Variants in SEMA6D observed in about 807,000 individuals in gnomAD.
SEMA6D encodes the protein semaphorin 6D.
Under a neutral mutation model 106.6 loss-of-function variants are expected in SEMA6D, and 35 were observed. The ratio of observed to expected loss-of-function variants is 0.33; its 90% confidence interval spans 0.25 to 0.44. The LOEUF is 0.44. Among genes scored for constraint, SEMA6D ranks in the 20% least tolerant of loss-of-function variants. The probability of loss-of-function intolerance (pLI) is 1.00; values close to 1 mark genes in which losing one functional copy is unlikely to be tolerated. For synonymous variants in SEMA6D, 499 were observed against 487.7 expected (o/e 1.02, Z -0.31); for missense variants, 1,185 against 1,345.9 (o/e 0.88, Z 1.87).
intron 1 of SEMA6D, among the ~76,000 whole-genome samples, chr15:47,334,095 G>A (rs1454828944): frequency 6.6e-6 from 1 of 152,266 alleles, no homozygotes; most frequent in South Asian, 2.1e-4. Flanking sequence ...CAATTTGCCT[G>A]TGTAATAAAT....
At chr15:47,643,678 A>G (rs774398370) in intron 4 of SEMA6D, among the ~76,000 whole-genome samples, 11 of 152,214 alleles carry the variant, frequency 7.2e-5, no homozygotes, top group Non-Finnish European at 1.3e-4. Flanking sequence ...TAATATTTTG[A>G]TACAAGTATA....
rs144968308 is a variant in SEMA6D at position 47,552,525 on chromosome 15, T to TACAC, written c.-86-48310_-86-48307dup. On this transcript the variant is annotated intron_variant, in intron 3 of 19. Transcript: ENST00000558014. ...ATATGTGTGTGTGTATATATATGTA[T>TACAC]ACACACACACACACACACACACACA... Among the ~76,000 whole-genome samples the TACAC allele has an allele frequency of 8.6e-3, 1,114 of 130,112 alleles. 7 individuals are homozygous for TACAC. The highest frequency in any genetic ancestry group is 0.02 in the South Asian group (76 of 3,740). 85.4% of individuals were successfully genotyped at this position (130,112 alleles called of 152,430 possible). A position where few individuals can be genotyped will look rare whatever the true frequency, so the allele number is the denominator to read the frequency against.
chr15:47,287,891 C>T lies in SEMA6D; in HGVS notation c.-239+103473C>T, dbSNP rs75106625. Among the ~76,000 whole-genome samples, 745 of 152,162 alleles carry T rather than the reference C, an allele frequency of 4.9e-3. 6 individuals carry two copies. Among genetic ancestry groups the T allele is most frequent in the African/African-American group, 0.017 (718 of 41,510 alleles). ...GCATGCTTTACAGGAAGCATGGTGC[C>T]GGCATCTCCTTGGCTTCCAAGGAGG... On this transcript the variant is annotated intron_variant, in intron 1 of 19. Coordinates refer to the SEMA6D transcript ENST00000558014.
chr15:47,410,676 G>A (rs2040762508), intron 1 of SEMA6D, among the ~76,000 whole-genome samples: 1 of 152,054 alleles, frequency 6.6e-6, no homozygotes, highest in African/African-American at 2.4e-5. Flanking sequence ...AAAATATATA[G>A]CATATAGCCC....
intron 1 of SEMA6D, among the ~76,000 whole-genome samples, chr15:47,404,648 C>T (rs147350944): frequency 1.8e-3 from 272 of 152,272 alleles, no homozygotes; most frequent in African/African-American, 6.3e-3. Flanking sequence ...CCAGCTAGTA[C>T]TCTGATCTTT....
intron 2 of SEMA6D, among the ~76,000 whole-genome samples, chr15:47,443,124 G>A (rs1283934261): frequency 6.6e-6 from 1 of 152,116 alleles, no homozygotes; most frequent in African/African-American, 2.4e-5. Flanking sequence ...CACATGGAAT[G>A]TAATGATAGA....
rs554099801 is a variant in SEMA6D at position 47,220,645 on chromosome 15, C to T, written c.-239+36227C>T. On this transcript the variant is annotated intron_variant, in intron 1 of 19. Transcript: ENST00000558014. ...CAGTAAATTACCAAGGTCGTATAGA[C>T]ATTTTCCTTCTACGTGTTTATTCTC... Among the ~76,000 whole-genome samples the T allele has an allele frequency of 4.6e-5, 7 of 152,326 alleles. No individual in the cohort carries two copies. In the East Asian group the frequency reaches 9.7e-4, roughly 21 times the overall value.
chr15:47,458,161 T>A (rs2042399646), intron 2 of SEMA6D, among the ~76,000 whole-genome samples: 1 of 152,024 alleles, frequency 6.6e-6, no homozygotes, highest in Non-Finnish European at 1.5e-5. Context: ...ATTGTGAGCA[T>A]ATATAAAAAT....
chr15:47,239,962 A>G (rs534419444), intron 1 of SEMA6D, among the ~76,000 whole-genome samples: 1 of 152,306 alleles, frequency 6.6e-6, no homozygotes, highest in African/African-American at 2.4e-5. Context: ...GAAGGTATAA[A>G]ATGACATTTT....
At chr15:47,581,074 A>G (rs1003249249) in intron 3 of SEMA6D, among the ~76,000 whole-genome samples, 2 of 152,176 alleles carry the variant, frequency 1.3e-5, no homozygotes, top group African/African-American at 2.4e-5. Context: ...TCGCATTACA[A>G]TCACTCACAG....
intron 3 of SEMA6D, among the ~76,000 whole-genome samples, chr15:47,538,815 G>A (rs1225992770): frequency 1.3e-5 from 2 of 152,158 alleles, no homozygotes; most frequent in African/African-American, 2.4e-5. Context: ...TTTGATGTAT[G>A]TATAGGGGAA....
chr15:47,619,202 G>A (rs1026241311), intron 4 of SEMA6D, among the ~76,000 whole-genome samples: 1 of 152,208 alleles, frequency 6.6e-6, no homozygotes, highest in Non-Finnish European at 1.5e-5. Flanking sequence ...CGACTTGCTT[G>A]CCTTCTTGTT....
Position 47,472,678 on chromosome 15 carries a change from TA to T in SEMA6D, c.-87+2138del, listed in dbSNP as rs201515630. 7.0e-3 allele frequency among the ~76,000 whole-genome samples: 1,059 copies of T among 152,158 alleles called. 15 individuals are homozygous for T. The highest frequency in any genetic ancestry group is 0.025 in the African/African-American group (1,021 of 41,496). On this transcript the variant is annotated intron_variant, in intron 3 of 19. Transcript: ENST00000558014. ...ATATTAAAAATATCAAAAATATCAATAAAAATACCAATAACATTGATATAAA... is the reference window on the plus strand; with the variant it reads ...ATATTAAAAATATCAAAAATATCAATAAAATACCAATAACATTGATATAAA...
intron 1 of SEMA6D, among the ~76,000 whole-genome samples, chr15:47,343,689 C>G (rs1318918902): frequency 6.6e-6 from 1 of 152,100 alleles, no homozygotes; most frequent in East Asian, 1.9e-4. Flanking sequence ...CAAGTCTTTG[C>G]TATTGTGAAT....
intron 1 of SEMA6D, among the ~76,000 whole-genome samples, chr15:47,345,590 A>T (rs2144636134): frequency 6.6e-6 from 1 of 152,324 alleles, no homozygotes; most frequent in South Asian, 2.1e-4. Context: ...TAAAACCTAA[A>T]ACTATAAAAC....
intron 3 of SEMA6D, among the ~76,000 whole-genome samples, chr15:47,503,920 C>G (rs2043950015): frequency 6.6e-6 from 1 of 152,178 alleles, no homozygotes; most frequent in Non-Finnish European, 1.5e-5. Flanking sequence ...TAACCTTTGT[C>G]ACATCCCACT....
At chr15:47,662,802 G>A (rs1274453516) in intron 4 of SEMA6D, among the ~76,000 whole-genome samples, 8 of 151,964 alleles carry the variant, frequency 5.3e-5, no homozygotes, top group Non-Finnish European at 1.5e-5. Flanking sequence ...GGGGTAGGTC[G>A]TGGGAGAGAA....
At chr15:47,274,328 C>G (rs2034702745) in intron 1 of SEMA6D, 1 of 151,966 alleles carries the variant, frequency 6.6e-6, no homozygotes, top group Non-Finnish European at 1.5e-5. Context: ...AGGGAAAAGC[C>G]CTGAAAGAAG....
chr15:47,679,054 T>C (rs2078297662), intron 4 of SEMA6D, among the ~76,000 whole-genome samples: 1 of 152,216 alleles, frequency 6.6e-6, no homozygotes. Flanking sequence ...CTTCAAAATT[T>C]GATATTAAAA....
Sources: gnomAD v4.1 joint callset for allele counts (sites outside exome capture counted in the v4.1 genomes callset) on GRCh38, gnomAD v4.1.1 for gene constraint, MANE v1.5 for transcripts, NCBI Gene and HGNC (gene_info 2026-07-23, HGNC 2026-07-21) for gene names.